The following ARHGAP23 variants were observed in gnomAD, a reference collection of about 807,000 sequenced individuals.
ARHGAP23 encodes Rho GTPase activating protein 23.
ARHGAP23 carries 34 observed loss-of-function variants against 136.3 expected under a neutral mutation model. The ratio of observed to expected loss-of-function variants is 0.25; its 90% confidence interval spans 0.19 to 0.33. ARHGAP23 has a LOEUF of 0.33. Ranked by LOEUF, ARHGAP23 falls within the 10% of genes least tolerant of loss-of-function variation. The pLI, the probability that ARHGAP23 is intolerant of heterozygous loss-of-function variation, is 1.00. For synonymous variants in ARHGAP23, 832 were observed against 920.5 expected (o/e 0.90, Z 1.74); for missense variants, 1,808 against 2,139.0 (o/e 0.85, Z 3.05).
chr17:38,481,921 T>C, intron 14 of ARHGAP23, 101 bp from the exon 15 acceptor site: 1 of 1,261,740 alleles, frequency 7.9e-7, no homozygotes, highest in Admixed American at 3.4e-5. Context: ...GTTTCTTCTC[T>C]GATGGAATCC....
rs776379521 is a variant in ARHGAP23, at chr17:38,471,860, C to A, written c.1975-3C>A. ...TAAATTGTCCTCTGTTGTCTCCCTGCAGTCCTTGGATAGCTGGGGCACCTC... is the reference window on the plus strand; with the variant it reads ...TAAATTGTCCTCTGTTGTCTCCCTGAAGTCCTTGGATAGCTGGGGCACCTC... On this transcript the variant is annotated splice_region_variant and splice_polypyrimidine_tract_variant and intron_variant, in intron 10 of 23. Transcript: ENST00000622683. The A allele has an allele frequency of 2.0e-6, 3 of 1,535,204 alleles. No individual in the cohort carries two copies. Among genetic ancestry groups the A allele is most frequent in the Non-Finnish European group, 2.6e-6 (3 of 1,139,240 alleles).
chr17:38,453,418 CGTGCGT>C lies in ARHGAP23; in HGVS notation c.64-4680_64-4675del, dbSNP rs779980776. Among the ~76,000 whole-genome samples, 256 of 100,936 alleles carry C rather than the reference CGTGCGT, an allele frequency of 2.5e-3. 1 individual carries two copies. The highest frequency in any genetic ancestry group is 3.0e-3 in the Non-Finnish European group (149 of 49,176). 66.2% of individuals were successfully genotyped at this position (100,936 alleles called of 152,430 possible). ...GATGGGGCTGATGCGCGCGCGTATG[CGTGCGT>C]GTGTGTGTGTGTGTGTGTGTGTGTG... is the stretch of plus-strand genomic sequence containing the variant. On this transcript the variant is annotated intron_variant, in intron 1 of 23. Transcript: ENST00000622683.
At chr17:38,489,155 C>T (rs1269149588) in intron 17 of ARHGAP23, among the ~76,000 whole-genome samples, 1 of 152,236 alleles carries the variant, frequency 6.6e-6, no homozygotes, top group East Asian at 1.9e-4. Flanking sequence ...GCTGGGATTA[C>T]AGATGTGAGC....
intron 2 of ARHGAP23, among the ~76,000 whole-genome samples, chr17:38,459,286 C>T (rs929094399): frequency 2.6e-5 from 4 of 152,182 alleles, no homozygotes; most frequent in African/African-American, 7.2e-5. Flanking sequence ...GTGTGCATCG[C>T]GTGCTGGCCA....
At chr17:38,499,576 C>G (rs146088596) in intron 22 of ARHGAP23, among the ~76,000 whole-genome samples, 5,117 of 152,276 alleles carry the variant, frequency 0.034, 301 homozygotes, top group African/African-American at 0.12. Context: ...CACAGGAGCT[C>G]CCTAGTCACC....
At position 38,511,338 on chromosome 17, in the gene ARHGAP23, A is replaced by C; in HGVS notation, c.*366A>C. The C allele has an allele frequency of 4.2e-6, 1 of 239,624 alleles. No individual in the cohort carries two copies. The highest frequency in any genetic ancestry group is 8.1e-5 in the East Asian group (1 of 12,358). The allele number at this position is 239,624 out of a possible 1,614,324, so 14.8% of individuals were successfully genotyped here. A position where few individuals can be genotyped will look rare whatever the true frequency, so the allele number is the denominator to read the frequency against. On this transcript the variant is annotated 3_prime_UTR_variant, in exon 24 of 24. Coordinates refer to ENST00000622683, the MANE Select transcript of ARHGAP23 (RefSeq NM_001199417.2). ...TAGGGAACCCCTAAGTTTCAGACTA[A>C]AGGAAAGATCCTGGGTGATGCTGGC...
Position 38,509,958 on chromosome 17 carries a change from C to T in ARHGAP23, c.3462C>T (p.Pro1154=). 1 of 1,250,714 alleles carries T rather than the reference C, an allele frequency of 8.0e-7. No individual in the cohort carries two copies. Among genetic ancestry groups the T allele is most frequent in the Non-Finnish European group, 1.0e-6 (1 of 991,868 alleles). The allele number at this position is 1,250,714 out of a possible 1,614,324, so 77.5% of individuals were successfully genotyped here. The change falls in exon 24 of 24, where the codon CCC becomes CCT. Residue 1154 remains proline (P), a synonymous_variant. Coordinates refer to ENST00000622683, the MANE Select transcript of ARHGAP23 (RefSeq NM_001199417.2). ...SSAKSKGSWA[P]KKEPYAREML... ...CTCCCACACAGGGTTCGTGGGCCCCCAAGAAGGAGCCGTACGCCCGGGAGA... is the reference window on the plus strand; with the variant it reads ...CTCCCACACAGGGTTCGTGGGCCCCTAAGAAGGAGCCGTACGCCCGGGAGA...
In ARHGAP23 at chr17:38,460,948, C is replaced by A. The variant is rs535251416; in HGVS notation, c.253+16C>A. 1.4e-5 allele frequency: 22 copies of A among 1,535,826 alleles called. No homozygotes were observed. Among genetic ancestry groups the A allele is most frequent in the Non-Finnish European group, 1.9e-5 (22 of 1,146,752 alleles). On this transcript the variant is annotated intron_variant, in intron 3 of 23. Transcript: ENST00000622683. The stretch of plus-strand genomic sequence containing the variant: ...CGTGGAGGAGGTAAGGGAGGACTGG[C>A]GGGCGCTGGACCTGCACGGGACTCC...
rs1316518530 is a variant in ARHGAP23, at chr17:38,463,141, G to A, written c.373G>A (p.Gly125Arg). 1.3e-6 allele frequency: 2 copies of A among 1,551,418 alleles called. No individual in the cohort carries two copies. Among genetic ancestry groups the A allele is most frequent in the Non-Finnish European group, 1.7e-6 (2 of 1,146,914 alleles). The change falls in exon 5 of 24, where the codon GGG becomes AGG. Residue 125 changes from glycine (G) to arginine (R), a missense_variant. Coordinates refer to ENST00000622683, the MANE Select transcript of ARHGAP23 (RefSeq NM_001199417.2). ...AGGAGACCGGCTGGTAAAGGTGAAT[G>A]GGGAAAGCGTCATTGGGAAGACCTA... is the stretch of plus-strand genomic sequence containing the variant. ...RTGDRLVKVNGESVIGKTYSQ... is the reference protein window; with the variant it reads ...RTGDRLVKVNRESVIGKTYSQ...
intron 1 of ARHGAP23, among the ~76,000 whole-genome samples, chr17:38,446,377 A>G (rs976731386): frequency 9.9e-5 from 15 of 151,992 alleles, no homozygotes; most frequent in Non-Finnish European, 2.2e-4. Context: ...CATATCATGT[A>G]TGTATTATAT....
intron 11 of ARHGAP23, among the ~76,000 whole-genome samples, chr17:38,473,526 C>T (rs1245360255): frequency 6.6e-6 from 1 of 152,212 alleles, no homozygotes; most frequent in East Asian, 1.9e-4. Context: ...TAAGGCCGCC[C>T]TGCTCGGGAG....
In ARHGAP23 at chr17:38,466,557, C is replaced by T. The variant is rs1567798990; in HGVS notation, c.874C>T (p.Leu292=). The T allele has an allele frequency of 3.4e-6, 5 of 1,479,022 alleles. No homozygotes were observed. Among genetic ancestry groups the T allele is most frequent in the South Asian group, 2.7e-5 (2 of 73,316 alleles). The allele number at this position is 1,479,022 out of a possible 1,614,324, so 91.6% of individuals were successfully genotyped here. The change falls in exon 7 of 24, where the codon CTG becomes TTG. Residue 292 remains leucine, a synonymous_variant. Coordinates refer to ENST00000622683, the MANE Select transcript of ARHGAP23 (RefSeq NM_001199417.2). ...LECQQALSHW[L]SNQVPRRAGE... ...GTGCCAGCAGGCCTTGTCACACTGGCTGTCAAACCAGGTACCCCGCCGGGC... is the reference window on the plus strand; with the variant it reads ...GTGCCAGCAGGCCTTGTCACACTGGTTGTCAAACCAGGTACCCCGCCGGGC...
intron 1 of ARHGAP23, among the ~76,000 whole-genome samples, chr17:38,448,794 C>T (rs999279025): frequency 1.9e-4 from 29 of 151,518 alleles, no homozygotes; most frequent in African/African-American, 6.3e-4. Context: ...CAGAGGTGCA[C>T]GCCACCATCC....
chr17:38,431,136 A>G (rs2038677693), intron 1 of ARHGAP23, among the ~76,000 whole-genome samples: 2 of 152,064 alleles, frequency 1.3e-5, no homozygotes, highest in African/African-American at 4.8e-5. Context: ...AGGACCTGCT[A>G]TGTCCCGCTG....
At chr17:38,502,505 CAGAT>C (rs1284828674) in intron 23 of ARHGAP23, among the ~76,000 whole-genome samples, 1 of 152,172 alleles carries the variant, frequency 6.6e-6, no homozygotes, top group African/African-American at 2.4e-5. Context: ...ATGAGCCAAA[CAGAT>C]AGGTTCCTGC....
At chr17:38,487,793 G>A (rs1234099800) in intron 17 of ARHGAP23, among the ~76,000 whole-genome samples, 1 of 152,076 alleles carries the variant, frequency 6.6e-6, no homozygotes, top group African/African-American at 2.4e-5. Context: ...GATCCCAGGA[G>A]GCAGAGGTTG....
intron 1 of ARHGAP23, among the ~76,000 whole-genome samples, chr17:38,449,802 G>A (rs867887396): frequency 1.3e-5 from 2 of 152,140 alleles, no homozygotes; most frequent in Non-Finnish European, 1.5e-5. Flanking sequence ...TTGTCACCTG[G>A]CAGTTTGGGG....
chr17:38,466,321 C>T lies in ARHGAP23; in HGVS notation c.638C>T (p.Ser213Leu). The T allele has an allele frequency of 6.5e-7, 1 of 1,545,384 alleles. No homozygotes were observed. Among genetic ancestry groups the T allele is most frequent in the African/African-American group, 1.4e-5 (1 of 73,144 alleles). The change falls in exon 7 of 24, where the codon TCA becomes TTA. Residue 213 changes from serine to leucine, a missense_variant. Physicochemically the swap from Ser to Leu is moderately radical, Grantham distance 145. This residue lies in a region of ARHGAP23 where 859 missense variants were observed against 936.4 expected (regional missense o/e 0.92). Transcript: ENST00000622683. ...GCCACTATGGTGCCTGAGCCCACCT[C>T]AGCACTGCCCAGTGACCCCCGGAGT... is the stretch of plus-strand genomic sequence containing the variant. ...TRATMVPEPT[S>L]ALPSDPRSPA... is the part of the protein sequence containing the mutation.
Position 38,477,682 on chromosome 17 carries a change from CG to C in ARHGAP23, c.2227del (p.Ala743LeufsTer36). On this transcript the variant is annotated frameshift_variant, in exon 12 of 24. Coordinates refer to ENST00000622683, the MANE Select transcript of ARHGAP23 (RefSeq NM_001199417.2). LOFTEE classifies it high-confidence loss of function. This position sits in a 1 kb window ranked among gnomAD's most constrained non-coding sequence, Gnocchi z 6.6. ...KERREPGPAA[A>X]GAAAAGAGED... Reference sequence around the variant, plus strand: ...CGGCGGGAGCCCGGGCCGGCGGCGGCGGGGGCTGCGGCGGCCGGCGCAGGTG... The same window carrying C: ...CGGCGGGAGCCCGGGCCGGCGGCGGCGGGGCTGCGGCGGCCGGCGCAGGTG... 4 of 1,327,366 alleles carry C rather than the reference CG, an allele frequency of 3.0e-6. No individual in the cohort carries two copies. Among genetic ancestry groups the C allele is most frequent in the Non-Finnish European group, 1.9e-6 (2 of 1,036,742 alleles). 82.2% of individuals were successfully genotyped at this position (1,327,366 alleles called of 1,614,324 possible). A position where few individuals can be genotyped will look rare whatever the true frequency, so the allele number is the denominator to read the frequency against.
Sources: allele counts gnomAD v4.1 joint callset (sites outside exome capture counted in the v4.1 genomes callset), GRCh38; gene constraint gnomAD v4.1.1; regional missense constraint gnomAD v4.1.1; non-coding constraint Gnocchi (gnomAD v3.1); transcripts MANE v1.5; gene names NCBI Gene and HGNC (gene_info 2026-07-23, HGNC 2026-07-21).